CCDC33: variants seen among roughly 807,000 people sequenced by gnomAD.
CCDC33 encodes the protein coiled-coil domain containing 33.
In CCDC33, 94 loss-of-function variants were observed where a neutral mutation model predicts 91.9. The observed-to-expected ratio is 1.02, with a 90% confidence interval of 0.87 to 1.21. CCDC33 has a LOEUF of 1.21. CCDC33 is among the 50% of genes most tolerant of loss of function. The pLI is 0.00. For missense variants in CCDC33, 940 were observed against 935.5 expected (o/e 1.00, Z -0.06); for synonymous variants, 396 against 374.5 (o/e 1.06, Z -0.66).
chr15:74,210,732 C>T (rs1595872156), intron 2 of CCDC33, among the ~76,000 whole-genome samples: 1 of 152,228 alleles, frequency 6.6e-6, no homozygotes, highest in African/African-American at 2.4e-5. Context: ...CCCAATATTG[C>T]ACACTTCCCA....
upstream of CCDC33, among the ~76,000 whole-genome samples, chr15:74,232,310 T>C (rs2075002368): frequency 6.6e-6 from 1 of 152,122 alleles, no homozygotes; most frequent in Non-Finnish European, 1.5e-5. Flanking sequence ...ATAAAGGGAC[T>C]ATTTACAATA....
At chr15:74,334,130 G>C (rs902940442) in intron 17 of CCDC33, among the ~76,000 whole-genome samples, 163 bp downstream of exon 17, 16 of 152,164 alleles carry the variant, frequency 1.1e-4, no homozygotes, top group African/African-American at 3.9e-4. Context: ...TCAGGGCTCA[G>C]TGTACAACCA....
intron 2 of CCDC33, among the ~76,000 whole-genome samples, chr15:74,261,338 C>A (rs549862146): frequency 6.6e-6 from 1 of 152,284 alleles, no homozygotes; most frequent in Non-Finnish European, 1.5e-5. Context: ...CCGGGGGACT[C>A]CAGAGGGCTT....
At chr15:74,252,371 G>T (rs914727550) in intron 2 of CCDC33, among the ~76,000 whole-genome samples, 3 of 152,184 alleles carry the variant, frequency 2.0e-5, no homozygotes, top group African/African-American at 7.2e-5. Context: ...CCATGGGCTT[G>T]TCTCAGCAGC....
chr15:74,330,724 G>A lies in CCDC33; in HGVS notation c.1518G>A (p.Val506=), dbSNP rs771691524. ...ATATGAAGAAACTGAGGGACAGGGT[G>A]CAGCATTTGCAGAATGAGCTGATTC... The part of the protein sequence containing the change: ...ELDMKKLRDR[V]QHLQNELIRK... The change falls in exon 13 of 19, where the codon GTG becomes GTA. Residue 506 remains valine, a synonymous_variant. Coordinates refer to ENST00000398814, the MANE Select transcript of CCDC33 (RefSeq NM_025055.5). 9 of 1,613,490 alleles carry A rather than the reference G, an allele frequency of 5.6e-6. No homozygotes were observed. The highest frequency in any genetic ancestry group is 5.3e-5 in the African/African-American group (4 of 74,906).
intron 2 of CCDC33, among the ~76,000 whole-genome samples, chr15:74,227,264 TAGTCAGC>T: frequency 6.6e-6 from 1 of 152,330 alleles, no homozygotes; most frequent in Non-Finnish European, 1.5e-5. Flanking sequence ...TCTGAGCCAG[TAGTCAGC>T]ACACAGGTGG....
At chr15:74,214,262 A>G (rs1890236956), upstream of CCDC33, among the ~76,000 whole-genome samples, 1 of 152,112 alleles carries the variant, frequency 6.6e-6, no homozygotes, top group African/African-American at 2.4e-5. Context: ...TTGGGGGAAG[A>G]AAGAAGACTG....
chr15:74,257,047 G>A (rs2075887619), intron 2 of CCDC33, among the ~76,000 whole-genome samples: 1 of 152,228 alleles, frequency 6.6e-6, no homozygotes, highest in Non-Finnish European at 1.5e-5. Flanking sequence ...GGCAGGGGAA[G>A]AGCTGGGCCC....
chr15:74,238,988 C>G (rs943480867), intron 1 of CCDC33, among the ~76,000 whole-genome samples: 43 of 152,220 alleles, frequency 2.8e-4, no homozygotes, highest in African/African-American at 9.2e-4. Flanking sequence ...CGCCATAACT[C>G]TCAGGCAAGT....
intron 11 of CCDC33, among the ~76,000 whole-genome samples, chr15:74,308,202 G>A (rs1231101723): frequency 6.6e-6 from 1 of 152,086 alleles, no homozygotes; most frequent in South Asian, 2.1e-4. Flanking sequence ...CTTGTCCAGG[G>A]CTAAAGGCAG....
At chr15:74,257,925 C>G (rs2075916544) in intron 2 of CCDC33, among the ~76,000 whole-genome samples, 1 of 152,204 alleles carries the variant, frequency 6.6e-6, no homozygotes, top group African/African-American at 2.4e-5. Flanking sequence ...AGTCTGGCAG[C>G]CTCTTGGACT....
At chr15:74,277,187 C>A (rs1213266702) in intron 7 of CCDC33, among the ~76,000 whole-genome samples, 1 of 152,214 alleles carries the variant, frequency 6.6e-6, no homozygotes, top group South Asian at 2.1e-4. Context: ...GGCATATCCC[C>A]ATGGGATGAT....
upstream of CCDC33, among the ~76,000 whole-genome samples, chr15:74,216,536 C>T: frequency 1.3e-4 from 1 of 7,660 alleles, no homozygotes; most frequent in Non-Finnish European, 9.3e-4. Flanking sequence ...TGGCCAATAC[C>T]ACTTTTTTTT....
upstream of CCDC33, among the ~76,000 whole-genome samples, chr15:74,214,235 C>T (rs943766436): frequency 2.0e-5 from 3 of 152,062 alleles, no homozygotes; most frequent in African/African-American, 7.2e-5. Flanking sequence ...AGCCAGCGGC[C>T]TCTGAGTGGC....
At position 74,290,107 on chromosome 15, in the gene CCDC33, A is replaced by G. The variant is rs141001859; in HGVS notation, c.1096-5647A>G. 3.4e-3 allele frequency among the ~76,000 whole-genome samples: 517 copies of G among 152,128 alleles called. 5 individuals are homozygous for G. The highest frequency in any genetic ancestry group is 0.012 in the African/African-American group (502 of 41,506). ...ACCACCTTAGTATAGACCTCCCTTCAGTGCTTTCAGCCAAGATGTATCTCT... is the reference window on the plus strand; with the variant it reads ...ACCACCTTAGTATAGACCTCCCTTCGGTGCTTTCAGCCAAGATGTATCTCT... On this transcript the variant is annotated intron_variant, in intron 10 of 18. Coordinates refer to ENST00000398814, the MANE Select transcript of CCDC33 (RefSeq NM_025055.5).
chr15:74,243,891 G>A lies in CCDC33; in HGVS notation c.22-94G>A, dbSNP rs1238801269. 3.6e-6 allele frequency: 5 copies of A among 1,379,980 alleles called. No homozygotes were observed. The African/African-American group carries it at 5.8e-5, about 16-fold the overall frequency. 85.5% of individuals were successfully genotyped at this position (1,379,980 alleles called of 1,614,324 possible). On this transcript the variant is annotated intron_variant, in intron 1 of 18. Coordinates refer to ENST00000398814, the MANE Select transcript of CCDC33 (RefSeq NM_025055.5). The stretch of plus-strand genomic sequence containing the variant: ...ACCTGGGAGGTAGAGGCTGCAGTGA[G>A]CCAAGATGGCACCACTGCACTCCAG...
At chr15:74,255,777 C>T (rs1312526538) in intron 2 of CCDC33, among the ~76,000 whole-genome samples, 1 of 152,244 alleles carries the variant, frequency 6.6e-6, no homozygotes, top group Non-Finnish European at 1.5e-5. Context: ...CACTTTCCCC[C>T]CACAGCTGGG....
At chr15:74,263,680 T>C (rs2142381384) in intron 3 of CCDC33, among the ~76,000 whole-genome samples, 1 of 152,374 alleles carries the variant, frequency 6.6e-6, no homozygotes. Context: ...TGCCTGTGTG[T>C]GCATGTCTTT....
At position 74,244,883 on chromosome 15, in the gene CCDC33, G is replaced by A. The variant is rs1037408537; in HGVS notation, c.185+735G>A. ...ACCCCTAGACCTTCTATAGACAGAC[G>A]GCGGGAGCCTTGGTGGCCTCCCACC... On this transcript the variant is annotated intron_variant, in intron 2 of 18. Transcript: ENST00000398814. This position sits in a 1 kb window ranked among gnomAD's most constrained non-coding sequence, Gnocchi z 4.2. 2.0e-5 allele frequency among the ~76,000 whole-genome samples: 3 copies of A among 152,128 alleles called. No homozygotes were observed. Among genetic ancestry groups the A allele is most frequent in the Non-Finnish European group, 2.9e-5 (2 of 68,016 alleles).
Sources: gnomAD v4.1 joint callset for allele counts (sites outside exome capture counted in the v4.1 genomes callset) on GRCh38, gnomAD v4.1.1 for gene constraint, Gnocchi (gnomAD v3.1) non-coding constraint, MANE v1.5 for transcripts, NCBI Gene and HGNC (gene_info 2026-07-23, HGNC 2026-07-21) for gene names.